The following RTEL1 variants were observed in gnomAD, a reference collection of about 807,000 sequenced individuals.
RTEL1 encodes the protein regulator of telomere length.
A neutral mutation model predicts 162.2 loss-of-function variants in RTEL1; 86 were observed. The ratio of observed to expected loss-of-function variants is 0.53; its 90% confidence interval spans 0.45 to 0.63. The LOEUF (loss-of-function observed/expected upper bound fraction) is 0.63. RTEL1 is among the 30% of genes least tolerant of loss of function. RTEL1 has a pLI of 0.00. For missense variants in RTEL1, 1,941 were observed against 1,750.2 expected (o/e 1.11, Z -1.95); for synonymous variants, 958 against 717.9 (o/e 1.33, Z -5.35).
At chr20:63,687,887 A>G in intron 17 of RTEL1, 50 bp from the exon 18 acceptor site, 1 of 1,603,080 alleles carries the variant, frequency 6.2e-7, no homozygotes, top group Non-Finnish European at 8.5e-7. Context: ...CGAGGGCTAA[A>G]GGGGTGCTGG....
At chr20:63,689,012 T>TG (rs531567023) in intron 21 of RTEL1, 43 bp from the exon 22 acceptor site, 31,041 of 1,454,182 alleles carry the variant, frequency 0.021, 126 homozygotes, top group Non-Finnish European at 0.025. Context: ...AGGAAGGGGC[T>TG]GGGGGGGGGC....
intron 6 of RTEL1, among the ~76,000 whole-genome samples, chr20:63,665,580 C>T (rs1047940065): frequency 2.0e-5 from 3 of 152,260 alleles, no homozygotes; most frequent in South Asian, 4.1e-4. Context: ...AGCTGAGTGA[C>T]GGTGCTAATC....
rs2090119493 is a variant in RTEL1 at position 63,666,012 on chromosome 20, C to G, written c.547C>G (p.Leu183Val). The part of the protein sequence containing the change: ...HFYNNVEEKS[L>V]EQELASPILD... ...CTGCCTCACACCTGCAGAAAAAAGCCTGGAGCAGGAGCTGGCCAGCCCCAT... is the reference window on the plus strand; with the variant it reads ...CTGCCTCACACCTGCAGAAAAAAGCGTGGAGCAGGAGCTGGCCAGCCCCAT... Residue 183 changes from leucine to valine, a missense_variant, in exon 7 of 35, where the codon CTG (leucine) becomes GTG (valine). Leu to Val is a conservative substitution (Grantham distance 32). Coordinates refer to ENST00000360203, the MANE Select transcript of RTEL1 (RefSeq NM_001283009.2). 4.3e-6 allele frequency: 7 copies of G among 1,614,078 alleles called. No individual in the cohort carries two copies. Among genetic ancestry groups the G allele is most frequent in the Non-Finnish European group, 5.9e-6 (7 of 1,179,960 alleles).
chr20:63,690,495 T>TGGGGGGGGGGGGGTGGGGGGGGGGGG, intron 26 of RTEL1, 54 bp downstream of exon 26: 6 of 594,914 alleles, frequency 1.0e-5, no homozygotes, highest in Admixed American at 3.0e-5. Context: ...GCGGGCGGCG[T>TGGGGGGGGGGGGGTGGGGGGGGGGGG]GGGGCGGGCA....
Position 63,679,776 on chromosome 20 carries a change from T to C in RTEL1, c.1038-73T>C, listed in dbSNP as rs77552606. 102,790 of 1,187,908 alleles carry C rather than the reference T, an allele frequency of 0.087. 6,117 individuals carry two copies. Among genetic ancestry groups the C allele is most frequent in the South Asian group, 0.24 (19,359 of 82,174 alleles). The allele number at this position is 1,187,908 out of a possible 1,614,324, so 73.6% of individuals were successfully genotyped here. A position where few individuals can be genotyped will look rare whatever the true frequency, so the allele number is the denominator to read the frequency against. On this transcript the variant is annotated intron_variant, in intron 12 of 34. Transcript: ENST00000360203. ...TCCCCCCTCAGGCCCGAGCCTGCCT[T>C]CTTCTCCTCAGTTCCCAAAGCTGCA...
At position 63,688,628 on chromosome 20, in the gene RTEL1, G is replaced by C. The variant is rs781035707; in HGVS notation, c.1800+23G>C. On this transcript the variant is annotated intron_variant, in intron 21 of 34. Transcript: ENST00000360203. ...GAGGTCGGCACTTGGCCGGGGCTCT[G>C]GGCCTGCTGCCCCCTCGTGCCTCCC... The C allele has an allele frequency of 2.5e-6, 4 of 1,589,622 alleles. No individual in the cohort carries two copies. In the South Asian group the frequency reaches 4.5e-5, roughly 18 times the overall value.
Position 63,689,075 on chromosome 20 carries a change from A to G in RTEL1, c.1821A>G (p.Ala607=), listed in dbSNP as rs2145425699. 2.5e-6 allele frequency: 4 copies of G among 1,610,958 alleles called. No homozygotes were observed. Among genetic ancestry groups the G allele is most frequent in the Non-Finnish European group, 3.4e-6 (4 of 1,179,848 alleles). ...TCCAGACCATCAGTGCTTACTATGC[A>G]AGGGTTGCCGCCCCTGGGTCCACCG... ...SFSETISAYY[A]RVAAPGSTGA... is the part of the protein sequence containing the mutation. The change falls in exon 22 of 35, where the codon GCA becomes GCG. Residue 607 remains alanine, a synonymous_variant. Coordinates refer to ENST00000360203, the MANE Select transcript of RTEL1 (RefSeq NM_001283009.2).
In RTEL1 at chr20:63,673,928, C is replaced by A; in HGVS notation, c.766-12C>A. 6.2e-7 allele frequency: 1 copy of A among 1,604,590 alleles called. No homozygotes were observed. Among genetic ancestry groups the A allele is most frequent in the Non-Finnish European group, 8.5e-7 (1 of 1,173,818 alleles). On this transcript the variant is annotated splice_polypyrimidine_tract_variant and intron_variant, in intron 9 of 34. Transcript: ENST00000360203. ...CCTGTTCTGTGGTGATTCGGGTGTG[C>A]TTGGGCTCTAGGAGAAGATGTGTGA...
rs2145480579 is a variant in RTEL1 at position 63,695,551 on chromosome 20, C to T, written c.3723C>T (p.Gly1241=). ...CTCCGGGCGGGCCCCTCTCAGCAGG[C>T]TGTGTGTGCCAGGGCTGTGGGGCAG... ...TGAPGGPLSA[G]CVCQGCGAED... Residue 1241 remains glycine, a synonymous_variant, in exon 34 of 35, where the codon GGC becomes GGT. Coordinates refer to ENST00000360203, the MANE Select transcript of RTEL1 (RefSeq NM_001283009.2). The T allele has an allele frequency of 1.9e-6, 3 of 1,612,390 alleles. No homozygotes were observed. The highest frequency in any genetic ancestry group is 2.2e-5 in the East Asian group (1 of 44,872).
intron 9 of RTEL1, 128 bp from the exon 10 acceptor site, chr20:63,673,812 C>A: frequency 9.6e-7 from 1 of 1,046,990 alleles, no homozygotes; most frequent in Non-Finnish European, 1.4e-6. Flanking sequence ...TTTTACAGAC[C>A]CCAGGCCAAG....
chr20:63,663,765 G>T (rs182547652), intron 6 of RTEL1, among the ~76,000 whole-genome samples: 233 of 152,278 alleles, frequency 1.5e-3, no homozygotes, highest in Middle Eastern at 0.014. Context: ...CACTCAGAAG[G>T]CATCGGCGGT....
Position 63,659,455 on chromosome 20 carries a change from A to G in RTEL1, c.53A>G (p.Tyr18Cys). Residue 18 changes from tyrosine to cysteine, a missense_variant, in exon 2 of 35, where the codon TAC (tyrosine) becomes TGC (cysteine). Tyr to Cys is a radical substitution (Grantham distance 194). Transcript: ENST00000360203. ...GVTVDFPFQP[Y>C]KCQQEYMTKV... ...ACCGTAGACTTCCCTTTCCAGCCCT[A>G]CAAATGCCAACAGGAGTACATGACC... 6.2e-7 allele frequency: 1 copy of G among 1,614,164 alleles called. No individual in the cohort carries two copies. Among genetic ancestry groups the G allele is most frequent in the African/African-American group, 1.3e-5 (1 of 75,050 alleles).
intron 21 of RTEL1, chr20:63,688,828 G>T (rs2090656393): frequency 1.6e-6 from 1 of 631,952 alleles, no homozygotes; most frequent in Admixed American, 2.9e-5. Context: ...TGTCTGAGTA[G>T]CCCTAGTCGG....
Position 63,665,984 on chromosome 20 carries a change from C to T in RTEL1, c.539-20C>T, listed in dbSNP as rs1041162503. ...AGTGGACCCTGAGGGTGTGTGTTTA[C>T]CCCTGCCTCACACCTGCAGAAAAAA... On this transcript the variant is annotated intron_variant, in intron 6 of 34. Coordinates refer to ENST00000360203, the MANE Select transcript of RTEL1 (RefSeq NM_001283009.2). 6.2e-7 allele frequency: 1 copy of T among 1,611,330 alleles called. No individual in the cohort carries two copies. The highest frequency in any genetic ancestry group is 8.5e-7 in the Non-Finnish European group (1 of 1,177,810).
intron 2 of RTEL1, among the ~76,000 whole-genome samples, chr20:63,660,456 A>G (rs1216929923): frequency 1.3e-5 from 2 of 152,258 alleles, no homozygotes. Flanking sequence ...TACTGCCTGT[A>G]AACATATTGT....
In RTEL1 at chr20:63,674,046, A is replaced by G. The variant is rs1569090869; in HGVS notation, c.872A>G (p.Gln291Arg). ...CTGGAGGAGCAGACCAAGGCAGCGC[A>G]GCAGGGTGAGCCCCACCCGGAGTTC... The part of the protein sequence containing the change: ...QVLEEQTKAA[Q>R]QGEPHPEFSA... The change falls in exon 10 of 35, where the codon CAG becomes CGG. Residue 291 changes from glutamine (Q) to arginine (R), a missense_variant. By Grantham distance (43) the Gln-to-Arg change is conservative. Transcript: ENST00000360203. 1 of 1,611,694 alleles carries G rather than the reference A, an allele frequency of 6.2e-7. No homozygotes were observed. Among genetic ancestry groups the G allele is most frequent in the Non-Finnish European group, 8.5e-7 (1 of 1,179,996 alleles).
chr20:63,691,906 C>G, intron 28 of RTEL1, 69 bp downstream of exon 28: 1 of 1,292,172 alleles, frequency 7.7e-7, no homozygotes, highest in East Asian at 2.3e-5. Flanking sequence ...CGTGGGTGCC[C>G]CCAGCCACGG....
At chr20:63,694,339 G>A (rs199621121) in intron 30 of RTEL1, 33 bp from the exon 31 acceptor site, 28 of 1,291,216 alleles carry the variant, frequency 2.2e-5, no homozygotes, top group Admixed American at 1.1e-4. Flanking sequence ...AGATGCTCTC[G>A]ACCAGCTTTG....
rs2090031697 is a variant in RTEL1 at position 63,662,084 on chromosome 20, G to A, written c.395+141G>A. On this transcript the variant is annotated intron_variant, in intron 4 of 34. Coordinates refer to ENST00000360203, the MANE Select transcript of RTEL1 (RefSeq NM_001283009.2). ...CTCCCCCGAAGTGTGCAGAGCGCTGGTGCCCAGGGGTGGGGTGCGGCCTGG... is the reference window on the plus strand; with the variant it reads ...CTCCCCCGAAGTGTGCAGAGCGCTGATGCCCAGGGGTGGGGTGCGGCCTGG... The A allele has an allele frequency of 4.3e-6, 3 of 703,996 alleles. No homozygotes were observed. The South Asian group carries it at 5.3e-5, about 12-fold the overall frequency. 43.6% of individuals were successfully genotyped at this position (703,996 alleles called of 1,614,324 possible).
Sources: allele counts gnomAD v4.1 joint callset (sites outside exome capture counted in the v4.1 genomes callset), GRCh38; gene constraint gnomAD v4.1.1; transcripts MANE v1.5; gene names NCBI Gene and HGNC (gene_info 2026-07-23, HGNC 2026-07-21).